The following ATP10A variants were observed in gnomAD, a reference collection of about 807,000 sequenced individuals.
ATP10A encodes the protein ATPase phospholipid transporting 10A (putative), also known as phospholipid-transporting ATPase VA.
In ATP10A, 111 loss-of-function variants were observed where a neutral mutation model predicts 147.8. The ratio of observed to expected loss-of-function variants is 0.75; its 90% confidence interval spans 0.64 to 0.88. The LOEUF (loss-of-function observed/expected upper bound fraction) is 0.88, where lower values mean the gene tolerates loss of function less well. ATP10A is among the 40% of genes least tolerant of loss of function. The pLI is 0.00. For missense variants in ATP10A, 1,927 were observed against 1,959.0 expected (o/e 0.98, Z 0.31); for synonymous variants, 875 against 841.6 (o/e 1.04, Z -0.69).
intron 1 of ATP10A, among the ~76,000 whole-genome samples, chr15:25,827,465 A>G (rs1284595463): frequency 6.6e-6 from 1 of 152,240 alleles, no homozygotes; most frequent in Middle Eastern, 3.2e-3. Context: ...CATACAAGGT[A>G]TACAAGATGT....
chr15:25,760,330 T>C (rs1888694620), intron 2 of ATP10A, among the ~76,000 whole-genome samples: 2 of 152,208 alleles, frequency 1.3e-5, no homozygotes, highest in Admixed American at 1.3e-4. Context: ...TTAATAGATG[T>C]TCCAAAATTG....
At chr15:25,838,981 G>T (rs937625322) in intron 1 of ATP10A, among the ~76,000 whole-genome samples, 3 of 152,132 alleles carry the variant, frequency 2.0e-5, no homozygotes, top group African/African-American at 7.2e-5. Flanking sequence ...GGTCATTCAG[G>T]AATATCCCAT....
intron 3 of ATP10A, 84 bp downstream of exon 3, chr15:25,735,972 T>C: frequency 8.3e-7 from 1 of 1,209,134 alleles, no homozygotes; most frequent in Admixed American, 1.8e-5. Flanking sequence ...ATTAAATGCA[T>C]ACTTTATAAC....
chr15:25,683,376 G>A lies in ATP10A; in HGVS notation c.3402C>T (p.Pro1134=). Residue 1134 remains proline, a synonymous_variant, in exon 17 of 21, where the codon CCC becomes CCT. Transcript: ENST00000555815. ...IFFNLLFSSL[P]PLVTGVLDRD... Reference sequence around the variant, plus strand: ...TGTCCAGCACCCCAGTCACGAGCGGGGGAAGTGACGAGAAGAGCAGATTAA... The same window carrying A: ...TGTCCAGCACCCCAGTCACGAGCGGAGGAAGTGACGAGAAGAGCAGATTAA... The A allele has an allele frequency of 6.2e-7, 1 of 1,614,152 alleles. No individual in the cohort carries two copies. The highest frequency in any genetic ancestry group is 8.5e-7 in the Non-Finnish European group (1 of 1,180,024).
chr15:25,841,737 A>G (rs1313193560), intron 1 of ATP10A: 1 of 152,226 alleles, frequency 6.6e-6, no homozygotes, highest in Non-Finnish European at 1.5e-5. Flanking sequence ...ATTTTTCATC[A>G]GCATTTTGTA....
At chr15:25,754,396 G>T (rs943542536) in intron 2 of ATP10A, among the ~76,000 whole-genome samples, 1 of 152,186 alleles carries the variant, frequency 6.6e-6, no homozygotes, top group Non-Finnish European at 1.5e-5. Flanking sequence ...GGCCTCAAAA[G>T]TTCTGGGATT....
At chr15:25,722,734 A>C (rs1902320288) in intron 6 of ATP10A, among the ~76,000 whole-genome samples, 2 of 152,186 alleles carry the variant, frequency 1.3e-5, no homozygotes, top group Admixed American at 1.3e-4. Flanking sequence ...CACATATACG[A>C]GACAGCAAAG....
intron 19 of ATP10A, 123 bp from the exon 20 acceptor site, chr15:25,680,431 C>T (rs981864622): frequency 3.8e-6 from 4 of 1,042,580 alleles, no homozygotes; most frequent in Admixed American, 2.3e-5. Context: ...AGACACACTG[C>T]GGTCTATGAC....
At chr15:25,680,095 A>C in intron 20 of ATP10A, 26 bp downstream of exon 20, 1 of 1,608,026 alleles carries the variant, frequency 6.2e-7, no homozygotes, top group South Asian at 1.1e-5. Flanking sequence ...CGGGGCTCAG[A>C]GGCACTATCC....
intron 1 of ATP10A, among the ~76,000 whole-genome samples, chr15:25,845,733 A>G (rs148218822): frequency 5.3e-5 from 8 of 152,236 alleles, no homozygotes; most frequent in African/African-American, 1.9e-4. Context: ...CACAAATGCT[A>G]CCGTGGGAGG....
chr15:25,706,513 T>C (rs1901028750), intron 12 of ATP10A, among the ~76,000 whole-genome samples: 1 of 152,216 alleles, frequency 6.6e-6, no homozygotes, highest in Non-Finnish European at 1.5e-5. Flanking sequence ...TCAGCCTGCA[T>C]GACCAGCCCG....
intron 13 of ATP10A, 73 bp from the exon 14 acceptor site, chr15:25,695,219 C>T: frequency 7.1e-7 from 1 of 1,404,334 alleles, no homozygotes; most frequent in South Asian, 1.4e-5. Context: ...TGGCTCAACA[C>T]CTCTGGAGCT....
At chr15:25,820,407 G>A (rs558855031) in intron 1 of ATP10A, among the ~76,000 whole-genome samples, 16 of 152,160 alleles carry the variant, frequency 1.1e-4, no homozygotes, top group Admixed American at 3.3e-4. Context: ...AAGACATACC[G>A]TGTCTTAAAC....
At chr15:25,744,807 A>T (rs1222234717) in intron 2 of ATP10A, among the ~76,000 whole-genome samples, 1 of 152,172 alleles carries the variant, frequency 6.6e-6, no homozygotes, top group African/African-American at 2.4e-5. Flanking sequence ...AGAAACCATA[A>T]AGGATAGAGG....
intron 2 of ATP10A, among the ~76,000 whole-genome samples, chr15:25,748,246 G>A (rs1456559632): frequency 6.6e-6 from 1 of 152,186 alleles, no homozygotes; most frequent in Non-Finnish European, 1.5e-5. Flanking sequence ...ACAGGTGTGA[G>A]CGGCCAAAAA....
intron 2 of ATP10A, among the ~76,000 whole-genome samples, chr15:25,756,372 G>A (rs963318129): frequency 6.6e-6 from 1 of 152,118 alleles, no homozygotes; most frequent in African/African-American, 2.4e-5. Context: ...GGCCAGGCGC[G>A]GTGGCTCACG....
chr15:25,827,217 AAAAACAGAGAAGTCACC>A (rs1892155058), intron 1 of ATP10A, among the ~76,000 whole-genome samples: 1 of 152,242 alleles, frequency 6.6e-6, no homozygotes, highest in South Asian at 2.1e-4. Flanking sequence ...CCAGATAAAC[AAAAACAGAGAAGTCACC>A]ACTAGCAGAC....
At chr15:25,710,988 A>C (rs1348390482) in intron 10 of ATP10A, 4 of 151,476 alleles carry the variant, frequency 2.6e-5, no homozygotes, top group Non-Finnish European at 5.9e-5. Flanking sequence ...AGAGGCAGGC[A>C]CTGTGATTTC....
At chr15:25,722,599 C>T (rs1233253003) in intron 6 of ATP10A, among the ~76,000 whole-genome samples, 1 of 152,180 alleles carries the variant, frequency 6.6e-6, no homozygotes, top group Non-Finnish European at 1.5e-5. Context: ...ACTGGGTTCT[C>T]CTGGGAACTG....
Sources: allele counts gnomAD v4.1 joint callset (sites outside exome capture counted in the v4.1 genomes callset), GRCh38; gene constraint gnomAD v4.1.1; transcripts MANE v1.5; gene names NCBI Gene and HGNC (gene_info 2026-07-23, HGNC 2026-07-21).